ARHGAP29: variants seen among roughly 807,000 people sequenced by gnomAD.
The protein encoded by ARHGAP29 is Rho GTPase activating protein 29.
A neutral mutation model predicts 122.6 loss-of-function variants in ARHGAP29; 43 were observed. The ratio of observed to expected loss-of-function variants is 0.35; its 90% CI spans 0.27 to 0.45. The LOEUF (loss-of-function observed/expected upper bound fraction) is 0.45, where lower values mean the gene tolerates loss of function less well. ARHGAP29 is among the 20% of genes least tolerant of loss of function. The probability of loss-of-function intolerance (pLI) is 1.00; values close to 1 mark genes in which losing one functional copy is unlikely to be tolerated. For missense variants in ARHGAP29, 1,303 were observed against 1,477.2 expected (o/e 0.88, Z 1.93); for synonymous variants, 506 against 497.1 (o/e 1.02, Z -0.24).
intron 16 of ARHGAP29, among the ~76,000 whole-genome samples, chr1:94,185,844 A>G (rs557414906): frequency 1.1e-4 from 17 of 152,292 alleles, no homozygotes; most frequent in African/African-American, 3.4e-4. Flanking sequence ...TAAACAAAGA[A>G]AAATAGCTGT....
upstream of ARHGAP29, among the ~76,000 whole-genome samples, chr1:94,279,885 A>G (rs1041227634): frequency 8.6e-5 from 13 of 151,918 alleles, no homozygotes; most frequent in African/African-American, 3.1e-4. Flanking sequence ...GGTTTCCCTA[A>G]TCTGGTTCCA....
chr1:94,270,221 G>T (rs1446537877), intron 1 of ARHGAP29, among the ~76,000 whole-genome samples: 1 of 152,174 alleles, frequency 6.6e-6, no homozygotes, highest in Non-Finnish European at 1.5e-5. Context: ...TCAGGGATCT[G>T]CCACTTCAAT....
chr1:94,301,765 A>G, the ARHGAP29 span, among the ~76,000 whole-genome samples: 1 of 152,156 alleles, frequency 6.6e-6, no homozygotes, highest in Non-Finnish European at 1.5e-5. Context: ...TAGGCCCTTA[A>G]CCTACATGCA....
intron 1 of ARHGAP29, among the ~76,000 whole-genome samples, chr1:94,257,136 G>A (rs1231455944): frequency 2.0e-5 from 3 of 151,290 alleles, no homozygotes; most frequent in Non-Finnish European, 4.4e-5. Flanking sequence ...GGGCATGGTG[G>A]CTGACACCTG....
chr1:94,214,029 A>G (rs1050586302), intron 3 of ARHGAP29, among the ~76,000 whole-genome samples: 1 of 152,202 alleles, frequency 6.6e-6, no homozygotes, highest in Admixed American at 6.5e-5. Flanking sequence ...CTCAGTTTCC[A>G]TATCTGCAAA....
the ARHGAP29 span, among the ~76,000 whole-genome samples, chr1:94,309,515 A>G: frequency 1.3e-5 from 2 of 152,308 alleles, no homozygotes; most frequent in African/African-American, 4.8e-5. Context: ...CTAGCCACAG[A>G]CACATTATGC....
intron 1 of ARHGAP29, among the ~76,000 whole-genome samples, chr1:94,262,588 A>G (rs552183307): frequency 1.2e-4 from 18 of 152,304 alleles, no homozygotes; most frequent in African/African-American, 4.3e-4. Context: ...AAAAGTGGGC[A>G]AAGAACATGA....
chr1:94,188,781 A>T (rs368601139), intron 15 of ARHGAP29, 56 bp downstream of exon 15: 5 of 1,402,390 alleles, frequency 3.6e-6, no homozygotes, highest in African/African-American at 1.4e-5. Flanking sequence ...AAAAATACCT[A>T]AAAAAGGACT....
At chr1:94,252,558 C>G (rs1190072777) in intron 1 of ARHGAP29, among the ~76,000 whole-genome samples, 6 of 152,122 alleles carry the variant, frequency 3.9e-5, no homozygotes, top group Non-Finnish European at 7.3e-5. Context: ...ATAACAGCAG[C>G]CTGACCCTGC....
intron 1 of ARHGAP29, chr1:94,250,624 A>G (rs545351226): frequency 6.6e-6 from 1 of 152,304 alleles, no homozygotes; most frequent in South Asian, 2.1e-4. Flanking sequence ...GATGGGTGTA[A>G]TTGAGAAACA....
chr1:94,240,378 T>C (rs1345151613), upstream of ARHGAP29, among the ~76,000 whole-genome samples: 2 of 152,226 alleles, frequency 1.3e-5, no homozygotes, highest in East Asian at 3.8e-4. Context: ...GCAAAAATGG[T>C]AGTTTACTTT....
intron 15 of ARHGAP29, 37 bp downstream of exon 15, chr1:94,188,800 A>C (rs1268822219): frequency 6.5e-7 from 1 of 1,528,690 alleles, no homozygotes; most frequent in Admixed American, 1.8e-5. Context: ...CTGATCTTTC[A>C]ATGAGTTTTC....
chr1:94,281,390 T>C, the ARHGAP29 span, among the ~76,000 whole-genome samples: 1 of 152,154 alleles, frequency 6.6e-6, no homozygotes, highest in Non-Finnish European at 1.5e-5. Flanking sequence ...CATATCTCGC[T>C]GGGCAAGCAC....
Position 94,202,709 on chromosome 1 carries a change from T to C in ARHGAP29, c.978A>G (p.Lys326=). ...GTTGCATGCATAATAATTTTGCCTT[T>C]TTGAGAGCATTCTCTGCTTCAAGCT... ...NKMLEAENAL[K]KAKLLCMQRQ... The change falls in exon 11 of 23, where the codon AAA becomes AAG. Residue 326 remains lysine (K), a synonymous_variant. Transcript: ENST00000260526. 6.2e-7 allele frequency: 1 copy of C among 1,613,784 alleles called. No homozygotes were observed.
At chr1:94,198,602 G>A (rs7547705) in intron 12 of ARHGAP29, among the ~76,000 whole-genome samples, 148,234 of 152,328 alleles carry the variant, frequency 0.97, 72,275 homozygotes, top group Middle Eastern at 1. Context: ...AAACACATAC[G>A]TATATAGGAT....
intron 19 of ARHGAP29, among the ~76,000 whole-genome samples, chr1:94,183,490 T>C (rs1050147983): frequency 6.6e-6 from 1 of 151,170 alleles, no homozygotes; most frequent in Admixed American, 6.6e-5. Flanking sequence ...GGTTTAACAG[T>C]GAGAAAAAAA....
chr1:94,246,730 C>T (rs1373640442), intron 1 of ARHGAP29, among the ~76,000 whole-genome samples: 1 of 152,166 alleles, frequency 6.6e-6, no homozygotes, highest in Non-Finnish European at 1.5e-5. Context: ...TCCCTGGGAA[C>T]ACCGGGTTTC....
At chr1:94,196,655 ATT>A (rs1650500725) in intron 12 of ARHGAP29, among the ~76,000 whole-genome samples, 2 of 152,108 alleles carry the variant, frequency 1.3e-5, no homozygotes, top group Non-Finnish European at 2.9e-5. Flanking sequence ...TACATAACAA[ATT>A]TAAGAGAAAT....
rs1482621703 is a variant in ARHGAP29, at chr1:94,172,907, T to C, written c.*962A>G. On this transcript the variant is annotated 3_prime_UTR_variant, in exon 23 of 23. Coordinates refer to ENST00000260526, the MANE Select transcript of ARHGAP29 (RefSeq NM_004815.4). ...AAATTTTAGCTTGATTTGGATGAAA[T>C]ATGTACTTTCAGTTGTTGACAATCC... 1 of 152,508 alleles carries C rather than the reference T, an allele frequency of 6.6e-6. No homozygotes were observed. Among genetic ancestry groups the C allele is most frequent in the East Asian group, 1.9e-4 (1 of 5,198 alleles). 9.4% of individuals were successfully genotyped at this position (152,508 alleles called of 1,614,324 possible).
Sources: gnomAD v4.1 joint callset for allele counts (sites outside exome capture counted in the v4.1 genomes callset) on GRCh38, gnomAD v4.1.1 for gene constraint, MANE v1.5 for transcripts, NCBI Gene and HGNC (gene_info 2026-07-23, HGNC 2026-07-21) for gene names.